The following USP9X variants were observed in gnomAD, a reference collection of about 807,000 sequenced individuals.
USP9X encodes ubiquitin carboxyl-terminal hydrolase 9X.
In USP9X, 7 loss-of-function variants were observed where a neutral mutation model predicts 190.3. The observed-to-expected ratio is 0.04, with a 90% confidence interval of 0.02 to 0.07. The LOEUF is 0.07. Ranked by LOEUF, USP9X falls within the 10% of genes least tolerant of loss-of-function variation. The probability of loss-of-function intolerance (pLI) is 1.00; values close to 1 mark genes in which losing one functional copy is unlikely to be tolerated. For missense variants in USP9X, 1,010 were observed against 1,916.9 expected (o/e 0.53, Z 8.83); for synonymous variants, 645 against 659.5 (o/e 0.98, Z 0.34).
chrX:41,195,066 C>A (rs1030720028), intron 26 of USP9X, among the ~76,000 whole-genome samples: 18 of 87,876 alleles, frequency 2.0e-4, no homozygotes, highest in African/African-American at 8.4e-4. Context: ...GAGATGGATT[C>A]TTGCTCTGTC....
intron 41 of USP9X, among the ~76,000 whole-genome samples, chrX:41,227,924 T>G (rs1301077429): frequency 8.9e-6 from 1 of 112,105 alleles, no homozygotes; most frequent in Non-Finnish European, 1.9e-5. Flanking sequence ...ATGGTCTCGA[T>G]CTCCTGACCT....
At chrX:41,133,224 TAATATCCCA>T (rs1206790432) in intron 4 of USP9X, among the ~76,000 whole-genome samples, 1 of 112,155 alleles carries the variant, frequency 8.9e-6, no homozygotes, top group Non-Finnish European at 1.9e-5. Flanking sequence ...CTTGTAGAAA[TAATATCCCA>T]AAGTGAAAAT....
At chrX:41,096,782 A>T (rs1283119629) in intron 1 of USP9X, among the ~76,000 whole-genome samples, 1 of 111,789 alleles carries the variant, frequency 8.9e-6, no homozygotes, top group African/African-American at 3.3e-5. Context: ...CCCTGTGTTA[A>T]ATCACTTAGC....
At chrX:41,133,822 T>C (rs1272251035) in intron 4 of USP9X, among the ~76,000 whole-genome samples, 1 of 112,550 alleles carries the variant, frequency 8.9e-6, no homozygotes, top group Admixed American at 9.5e-5. Context: ...TGTACCACAT[T>C]TCCTTTATCC....
At chrX:41,184,340 TA>T (rs2062854252) in intron 22 of USP9X, 56 bp from the exon 23 acceptor site, 5 of 1,131,753 alleles carry the variant, frequency 4.4e-6, no homozygotes, top group African/African-American at 1.9e-5. Context: ...AAATAGAAGT[TA>T]TTTTTTTTTT....
chrX:41,146,464 C>G (rs1423390485), intron 11 of USP9X, among the ~76,000 whole-genome samples: 5 of 111,767 alleles, frequency 4.5e-5, no homozygotes. Flanking sequence ...TGTACTTGGC[C>G]TAGAGCCTAG....
rs758055868 is a variant in USP9X, at chrX:41,178,084, C to CTTTT, written c.3149-5887_3149-5884dup. On this transcript the variant is annotated intron_variant, in intron 21 of 44. Coordinates refer to ENST00000378308, the MANE Select transcript of USP9X (RefSeq NM_001039591.3). The stretch of plus-strand genomic sequence containing the variant: ...AGAAATCAAAATCCGAGGTTTAAAT[C>CTTTT]TTTTTTTTTTTTTTTTTTTTTTTTT... Among the ~76,000 whole-genome samples the CTTTT allele has an allele frequency of 7.6e-4, 26 of 34,315 alleles. 3 individuals are homozygous for CTTTT. The highest frequency in any genetic ancestry group is 2.7e-3 in the African/African-American group (21 of 7,757). The allele number at this position is 34,315 out of a possible 115,157, so 29.8% of individuals were successfully genotyped here.
chrX:41,207,707 C>G (rs778642896), intron 32 of USP9X, among the ~76,000 whole-genome samples: 1 of 111,048 alleles, frequency 9.0e-6, no homozygotes, highest in Non-Finnish European at 1.9e-5. Context: ...AGGTGCTTCC[C>G]GGCCAGCTGA....
At chrX:41,101,668 CAAAAAAAATAAATT>C (rs2062035504) in intron 1 of USP9X, among the ~76,000 whole-genome samples, 1 of 108,158 alleles carries the variant, frequency 9.2e-6, no homozygotes, top group Non-Finnish European at 1.9e-5. Flanking sequence ...GACTCCGTCT[CAAAAAAAATAAATT>C]AAAAAAAATA....
intron 1 of USP9X, among the ~76,000 whole-genome samples, chrX:41,119,182 G>A (rs2062172509): frequency 9.0e-6 from 1 of 111,152 alleles, no homozygotes; most frequent in Non-Finnish European, 1.9e-5. Flanking sequence ...TAGTAGCTTT[G>A]GATGGAGCCA....
Position 41,232,588 on chromosome X carries a change from C to A in USP9X, c.*64C>A. On this transcript the variant is annotated 3_prime_UTR_variant, in exon 45 of 45. Transcript: ENST00000378308. Reference sequence around the variant, plus strand: ...CCAGGCCTTACAGTCCAACCTTTTTCTGTGTCTGGCTAATATTTAAAACTA... The same window carrying A: ...CCAGGCCTTACAGTCCAACCTTTTTATGTGTCTGGCTAATATTTAAAACTA... The A allele has an allele frequency of 9.0e-7, 1 of 1,116,394 alleles. No individual in the cohort carries two copies. Among genetic ancestry groups the A allele is most frequent in the Non-Finnish European group, 1.2e-6 (1 of 835,774 alleles). The allele number at this position is 1,116,394 out of a possible 1,213,427, so 92.0% of individuals were successfully genotyped here.
At position 41,224,936 on chromosome X, in the gene USP9X, A is replaced by G. The variant is rs2147266302; in HGVS notation, c.6946A>G (p.Thr2316Ala). ...CTGGGAGAATCCTCAGTTCTCATCT[A>G]CTGTCCTCAGTGAACTTCTCTGGCA... ...CCWENPQFSS[T>A]VLSELLWQVA... Residue 2316 changes from threonine to alanine, a missense_variant, in exon 40 of 45, where the codon ACT (threonine) becomes GCT (alanine). Physicochemically the swap from Thr to Ala is moderately conservative, Grantham distance 58. Transcript: ENST00000378308. 1.6e-6 allele frequency: 2 copies of G among 1,212,240 alleles called. No individual in the cohort carries two copies. Among genetic ancestry groups the G allele is most frequent in the Non-Finnish European group, 2.2e-6 (2 of 895,562 alleles).
intron 1 of USP9X, among the ~76,000 whole-genome samples, chrX:41,113,740 G>GA (rs749084453): frequency 4.5e-5 from 5 of 110,172 alleles, no homozygotes; most frequent in East Asian, 2.8e-4. Flanking sequence ...GTGACAATTT[G>GA]AAAAAAACAG....
chrX:41,228,372 G>C (rs1046348367), intron 41 of USP9X, among the ~76,000 whole-genome samples: 1 of 112,069 alleles, frequency 8.9e-6, no homozygotes, highest in African/African-American at 3.2e-5. Context: ...GACAGGACTA[G>C]TTGGCTTTGT....
At chrX:41,152,010 G>A (rs1012914152) in intron 13 of USP9X, among the ~76,000 whole-genome samples, 1 of 111,453 alleles carries the variant, frequency 9.0e-6, no homozygotes, top group African/African-American at 3.3e-5. Flanking sequence ...CAAAAAACAT[G>A]TTTTCTTTAT....
Position 41,236,447 on chromosome X carries a change from G to C in USP9X, c.*3923G>C, listed in dbSNP as rs2063398776. Reference sequence around the variant, plus strand: ...GTGTGAAAATTTATTTAGAGATTCAGATTCCTAAAAGGAAATTTCACCACC... The same window carrying C: ...GTGTGAAAATTTATTTAGAGATTCACATTCCTAAAAGGAAATTTCACCACC... On this transcript the variant is annotated 3_prime_UTR_variant, in exon 45 of 45. Coordinates refer to ENST00000378308, the MANE Select transcript of USP9X (RefSeq NM_001039591.3). 8.9e-6 allele frequency: 1 copy of C among 112,243 alleles called. No individual in the cohort carries two copies. Among genetic ancestry groups the C allele is most frequent in the African/African-American group, 3.2e-5 (1 of 30,878 alleles). 9.3% of individuals were successfully genotyped at this position (112,243 alleles called of 1,213,427 possible).
intron 32 of USP9X, among the ~76,000 whole-genome samples, chrX:41,210,167 G>C (rs1008892719): frequency 8.9e-6 from 1 of 111,997 alleles, no homozygotes; most frequent in Non-Finnish European, 1.9e-5. Context: ...CATCTTAATA[G>C]TATCTTTAAT....
intron 21 of USP9X, among the ~76,000 whole-genome samples, chrX:41,176,206 C>G (rs2062773831): frequency 8.9e-6 from 1 of 111,879 alleles, no homozygotes; most frequent in Non-Finnish European, 1.9e-5. Flanking sequence ...CAGGGACACT[C>G]CTCGCTCTGC....
chrX:41,192,399 A>G (rs1387420167), intron 26 of USP9X, among the ~76,000 whole-genome samples: 1 of 110,329 alleles, frequency 9.1e-6, no homozygotes, highest in African/African-American at 3.3e-5. Flanking sequence ...GTTAGTTGCA[A>G]TGGATTTAAA....
Sources: gnomAD v4.1 joint callset for allele counts (sites outside exome capture counted in the v4.1 genomes callset) on GRCh38, gnomAD v4.1.1 for gene constraint, MANE v1.5 for transcripts, NCBI Gene and HGNC (gene_info 2026-07-23, HGNC 2026-07-21) for gene names.